Variants in IPP observed in about 807,000 individuals in gnomAD.
IPP encodes the protein actin-binding protein IPP.
IPP carries 41 observed loss-of-function variants against 64.1 expected under a neutral mutation model. That is an observed-to-expected ratio of 0.64 (90% CI 0.50 to 0.83). The LOEUF is 0.83. IPP is among the 40% of genes least tolerant of loss of function. IPP has a pLI of 0.00. For synonymous variants in IPP, 214 were observed against 235.2 expected (o/e 0.91, Z 0.83); for missense variants, 649 against 703.0 (o/e 0.92, Z 0.87).
chr1:45,702,612 TC>T (rs1199999859), intron 8 of IPP, among the ~76,000 whole-genome samples: 1 of 152,046 alleles, frequency 6.6e-6, no homozygotes, highest in Non-Finnish European at 1.5e-5. Context: ...GCACCACCAC[TC>T]CCAGCTAATT....
rs78627575 is a variant in IPP, at chr1:45,698,717, CTTTTTTTTT to C, written c.*1240_*1248del. On this transcript the variant is annotated 3_prime_UTR_variant, in exon 9 of 9. Coordinates refer to ENST00000396478, the MANE Select transcript of IPP (RefSeq NM_005897.3). ...AGCAAAAAAGGAAGAATTTTTTTTT[CTTTTTTTTT>C]TTTTTTTTTTGAGACAGGTTCTCAT... The C allele has an allele frequency of 9.3e-5, 69 of 744,162 alleles. No homozygotes were observed. Among genetic ancestry groups the C allele is most frequent in the South Asian group, 2.5e-4 (4 of 15,890 alleles). The allele number at this position is 744,162 out of a possible 1,614,324, so 46.1% of individuals were successfully genotyped here.
intron 2 of IPP, among the ~76,000 whole-genome samples, chr1:45,745,800 G>A (rs1188148891): frequency 6.6e-6 from 1 of 152,086 alleles, no homozygotes; most frequent in Admixed American, 6.6e-5. Context: ...GGGAGGCAGA[G>A]GTTGCCATGA....
chr1:45,738,548 A>C (rs556517181), intron 3 of IPP, among the ~76,000 whole-genome samples: 50 of 152,170 alleles, frequency 3.3e-4, no homozygotes, highest in Middle Eastern at 3.4e-3. Flanking sequence ...TTTTAGACAA[A>C]AACCTATATA....
At chr1:45,695,426 G>A (rs1238260009), downstream of IPP, among the ~76,000 whole-genome samples, 1 of 152,112 alleles carries the variant, frequency 6.6e-6, no homozygotes, top group Admixed American at 6.6e-5. Flanking sequence ...CTCCCAAAGT[G>A]TTAGGATTGC....
rs1646210714 is a variant in IPP at position 45,750,637 on chromosome 1, C to T, written c.-91G>A. The stretch of plus-strand genomic sequence containing the variant: ...CCCTCCGGCGCCCGCTCAGGCCCTG[C>T]GCGCGCAGTCGCGACCAGCCCCGGC... On this transcript the variant is annotated 5_prime_UTR_variant, in exon 1 of 9. Coordinates refer to ENST00000396478, the MANE Select transcript of IPP (RefSeq NM_005897.3). 6.6e-6 allele frequency: 1 copy of T among 152,592 alleles called. No individual in the cohort carries two copies. Among genetic ancestry groups the T allele is most frequent in the Non-Finnish European group, 1.5e-5 (1 of 68,236 alleles). The allele number at this position is 152,592 out of a possible 1,614,324, so 9.5% of individuals were successfully genotyped here.
intron 2 of IPP, among the ~76,000 whole-genome samples, chr1:45,742,662 TA>T (rs1168536977): frequency 1.3e-5 from 2 of 151,762 alleles, no homozygotes; most frequent in Non-Finnish European, 2.9e-5. Flanking sequence ...ACCTCCCGAG[TA>T]GCTGGTACTA....
At chr1:45,709,697 T>G (rs1645564662) in intron 8 of IPP, among the ~76,000 whole-genome samples, 1 of 126,540 alleles carries the variant, frequency 7.9e-6, no homozygotes. Flanking sequence ...CATGGTGGCA[T>G]GCACCTGTTG....
In IPP at chr1:45,699,098, A is replaced by G; in HGVS notation, c.*868T>C. 1.0e-6 allele frequency: 1 copy of G among 985,366 alleles called. No individual in the cohort carries two copies. Among genetic ancestry groups the G allele is most frequent in the Non-Finnish European group, 1.2e-6 (1 of 829,908 alleles). The allele number at this position is 985,366 out of a possible 1,614,324, so 61.0% of individuals were successfully genotyped here. On this transcript the variant is annotated 3_prime_UTR_variant, in exon 9 of 9. Transcript: ENST00000396478. The stretch of plus-strand genomic sequence containing the variant: ...TAGCCCATTACAACATCTGGTCACT[A>G]AGAACCTCCTATTAATTCCTTACTT...
At chr1:45,718,565 CA>C (rs1569984874) in intron 6 of IPP, among the ~76,000 whole-genome samples, 1 of 137,136 alleles carries the variant, frequency 7.3e-6, no homozygotes, top group South Asian at 2.5e-4. Context: ...AGCCCAGGAG[CA>C]CCCCCTCCAA....
chr1:45,735,397 G>A (rs930105537), intron 3 of IPP, among the ~76,000 whole-genome samples: 15 of 143,958 alleles, frequency 1.0e-4, no homozygotes, highest in Non-Finnish European at 1.8e-4. Flanking sequence ...AATTTTAAAT[G>A]TTGTTTTTGT....
chr1:45,708,316 G>A (rs774979627), intron 8 of IPP, among the ~76,000 whole-genome samples: 15 of 151,008 alleles, frequency 9.9e-5, no homozygotes, highest in Non-Finnish European at 1.6e-4. Flanking sequence ...TGCCCGCCTC[G>A]GCCTCCCAAA....
At chr1:45,695,664 T>A (rs11587918), downstream of IPP, among the ~76,000 whole-genome samples, 28,328 of 151,216 alleles carry the variant, frequency 0.19, 3,015 homozygotes, top group Non-Finnish European at 0.24. Flanking sequence ...GGATATAGTA[T>A]AACCTGGAAT....
At chr1:45,711,437 A>G (rs1475456776) in intron 8 of IPP, among the ~76,000 whole-genome samples, 1 of 151,804 alleles carries the variant, frequency 6.6e-6, no homozygotes, top group Non-Finnish European at 1.5e-5. Context: ...AAGATAAAAT[A>G]TACCATGAAA....
chr1:45,745,228 C>T (rs1476646175), intron 2 of IPP, among the ~76,000 whole-genome samples: 2 of 152,092 alleles, frequency 1.3e-5, no homozygotes, highest in African/African-American at 2.4e-5. Flanking sequence ...TAAAACTCTT[C>T]AAAAACATTT....
intron 1 of IPP, among the ~76,000 whole-genome samples, chr1:45,747,033 T>G (rs1168598998): frequency 2.6e-5 from 4 of 152,146 alleles, no homozygotes; most frequent in Non-Finnish European, 5.9e-5. Context: ...CACCCTAAGC[T>G]TATTGGTTTT....
intron 8 of IPP, among the ~76,000 whole-genome samples, chr1:45,704,471 A>G (rs1485082502): frequency 2.6e-5 from 4 of 152,028 alleles, no homozygotes; most frequent in Non-Finnish European, 5.9e-5. Context: ...CTCCTGACCT[A>G]GCAATCCACC....
intron 8 of IPP, among the ~76,000 whole-genome samples, chr1:45,709,053 A>AAG (rs1488300126): frequency 6.8e-6 from 1 of 146,674 alleles, no homozygotes; most frequent in African/African-American, 2.5e-5. Context: ...AAAAAAAAAA[A>AAG]GGAGAAAAAA....
chr1:45,711,703 C>G (rs1255222971), intron 8 of IPP, among the ~76,000 whole-genome samples: 1 of 150,108 alleles, frequency 6.7e-6, no homozygotes, highest in Non-Finnish European at 1.5e-5. Flanking sequence ...GCAGTGAGCT[C>G]TGATCATGCC....
chr1:45,734,665 G>A (rs1345404994), intron 3 of IPP, among the ~76,000 whole-genome samples: 2 of 152,282 alleles, frequency 1.3e-5, no homozygotes, highest in East Asian at 1.9e-4. Flanking sequence ...TATCGCCCAG[G>A]CTGGAGCGCA....
Sources: allele counts gnomAD v4.1 joint callset (sites outside exome capture counted in the v4.1 genomes callset), GRCh38; gene constraint gnomAD v4.1.1; transcripts MANE v1.5; gene names NCBI Gene and HGNC (gene_info 2026-07-23, HGNC 2026-07-21).